RGS12: variants seen among roughly 807,000 people sequenced by gnomAD.
The protein encoded by RGS12 is regulator of G-protein signaling 12.
Under a neutral mutation model 120.1 loss-of-function variants are expected in RGS12, and 66 were observed. The observed-to-expected ratio is 0.55, with a 90% CI of 0.45 to 0.67. The LOEUF is 0.67. Ranked by LOEUF, RGS12 falls within the 30% of genes least tolerant of loss-of-function variation. The probability of loss-of-function intolerance (pLI) is 0.00; values close to 1 mark genes in which losing one functional copy is unlikely to be tolerated. For missense variants in RGS12, 1,859 were observed against 1,957.7 expected, an observed-to-expected ratio of 0.95 and a Z score of 0.95; for synonymous variants, 827 against 804.7, an observed-to-expected ratio of 1.03 and a Z score of -0.47.
intron 3 of RGS12, among the ~76,000 whole-genome samples, chr4:3,384,840 T>C (rs948932840): frequency 6.6e-6 from 1 of 152,194 alleles, no homozygotes; most frequent in East Asian, 1.9e-4. Flanking sequence ...CTGGTGTAGG[T>C]CGCAGGGCCA....
At chr4:3,358,360 C>G (rs1461049891) in intron 3 of RGS12, among the ~76,000 whole-genome samples, 1 of 152,182 alleles carries the variant, frequency 6.6e-6, no homozygotes, top group African/African-American at 2.4e-5. Context: ...CTAGAACTTA[C>G]AGTACTGTGT....
chr4:3,406,406 G>A (rs1416390707), intron 4 of RGS12, among the ~76,000 whole-genome samples: 1 of 152,236 alleles, frequency 6.6e-6, no homozygotes, highest in Non-Finnish European at 1.5e-5. Context: ...GGATGCCTTT[G>A]TAGTGGAGCT....
intron 3 of RGS12, among the ~76,000 whole-genome samples, chr4:3,348,430 C>T (rs760719394): frequency 1.6e-4 from 24 of 152,194 alleles, no homozygotes; most frequent in Admixed American, 1.4e-3. Context: ...GTGATTGCTT[C>T]TCCTCATGGG....
chr4:3,290,733 C>G (rs1204813286), upstream of RGS12, among the ~76,000 whole-genome samples: 1 of 152,246 alleles, frequency 6.6e-6, no homozygotes, highest in Non-Finnish European at 1.5e-5. Flanking sequence ...CCAACAGAGG[C>G]CGCCCTGCCA....
At chr4:3,299,729 A>G (rs1723574367) in intron 1 of RGS12, among the ~76,000 whole-genome samples, 1 of 152,232 alleles carries the variant, frequency 6.6e-6, no homozygotes, top group Non-Finnish European at 1.5e-5. Context: ...GTGTTAGCCT[A>G]GAATAGATGC....
At chr4:3,362,453 G>A (rs1242127214) in intron 3 of RGS12, among the ~76,000 whole-genome samples, 1 of 146,380 alleles carries the variant, frequency 6.8e-6, no homozygotes, top group African/African-American at 2.5e-5. Flanking sequence ...TGTGTGTGAG[G>A]GTGCGAGGGT....
At position 3,433,830 on chromosome 4, in the gene RGS12, C is replaced by T. The variant is rs1053327657; in HGVS notation, c.4114+2875C>T. Among the ~76,000 whole-genome samples the T allele has an allele frequency of 6.6e-5, 10 of 152,274 alleles. No individual in the cohort carries two copies. The highest frequency in any genetic ancestry group is 2.1e-4 in the South Asian group (1 of 4,814). ...GAGACCATGCACCATGCAGGCTGGC[C>T]GGTGCCCCCATGCATGTCTGGTCCC... On this transcript the variant is annotated intron_variant, in intron 17 of 17. Coordinates refer to ENST00000336727, the MANE Select transcript of RGS12 (RefSeq NM_001394154.1). The surrounding 1 kb of genome is among the most constrained non-coding windows in gnomAD (Gnocchi z 4.4).
chr4:3,286,814 C>T, the RGS12 span, among the ~76,000 whole-genome samples: 1 of 152,216 alleles, frequency 6.6e-6, no homozygotes, highest in African/African-American at 2.4e-5. Context: ...GTGAGAGGGT[C>T]AGAGAGCCCC....
chr4:3,285,975 C>T, the RGS12 span, among the ~76,000 whole-genome samples: 1 of 152,246 alleles, frequency 6.6e-6, no homozygotes, highest in Non-Finnish European at 1.5e-5. Flanking sequence ...CACGGCTTCA[C>T]CACTTCCTGC....
At chr4:3,401,897 C>T (rs1016525926) in intron 4 of RGS12, among the ~76,000 whole-genome samples, 4 of 152,256 alleles carry the variant, frequency 2.6e-5, no homozygotes, top group Non-Finnish European at 5.9e-5. Flanking sequence ...GCCTTAGCCT[C>T]GTCTCTTGCT....
chr4:3,371,995 C>T (rs1047689402), intron 3 of RGS12, among the ~76,000 whole-genome samples: 7 of 152,094 alleles, frequency 4.6e-5, no homozygotes, highest in Non-Finnish European at 1.0e-4. Flanking sequence ...TCTGGCTGGC[C>T]AGATCAGTCG....
At chr4:3,424,728 G>A (rs190988087) in intron 13 of RGS12, among the ~76,000 whole-genome samples, 1 of 152,352 alleles carries the variant, frequency 6.6e-6, no homozygotes, top group Non-Finnish European at 1.5e-5. Flanking sequence ...TTTGGGATGT[G>A]GCTTTTCCTT....
intron 3 of RGS12, among the ~76,000 whole-genome samples, chr4:3,373,049 C>G (rs950324152): frequency 6.6e-6 from 1 of 152,148 alleles, no homozygotes; most frequent in Non-Finnish European, 1.5e-5. Flanking sequence ...GCGGTGAGAC[C>G]TGGCAGCGAG....
chr4:3,324,348 T>C (rs74838372), intron 2 of RGS12: 9,931 of 178,266 alleles, frequency 0.056, 899 homozygotes, highest in African/African-American at 0.21. Flanking sequence ...GTTGTGACAG[T>C]ATCAACCCCT....
intron 2 of RGS12, among the ~76,000 whole-genome samples, chr4:3,329,271 G>A (rs535324481): frequency 1.3e-5 from 2 of 152,306 alleles, no homozygotes; most frequent in South Asian, 2.1e-4. Context: ...TTGGGACCCA[G>A]GAGTGCAAGA....
chr4:3,428,234 G>A (rs966933698), intron 15 of RGS12, 65 bp downstream of exon 15: 20 of 1,402,214 alleles, frequency 1.4e-5, no homozygotes, highest in East Asian at 2.3e-5. Flanking sequence ...CCTGCCCTGC[G>A]CAGTGCCCTG....
At chr4:3,405,511 A>G (rs1721014487) in intron 4 of RGS12, among the ~76,000 whole-genome samples, 1 of 152,220 alleles carries the variant, frequency 6.6e-6, no homozygotes, top group Non-Finnish European at 1.5e-5. Flanking sequence ...GACTGCAGAC[A>G]CACAGCAGCA....
chr4:3,394,241 CA>C (rs1207456954), intron 4 of RGS12, among the ~76,000 whole-genome samples: 4 of 152,084 alleles, frequency 2.6e-5, no homozygotes, highest in African/African-American at 4.8e-5. Flanking sequence ...TGACTCACTA[CA>C]ACCTCTGCCT....
At chr4:3,420,847 G>T in intron 10 of RGS12, 129 bp downstream of exon 10, 1 of 860,926 alleles carries the variant, frequency 1.2e-6, no homozygotes, top group Non-Finnish European at 1.8e-6. Context: ...TGGGGGACAA[G>T]GCTCGGGTGC....
Sources: gnomAD v4.1 joint callset for allele counts (sites outside exome capture counted in the v4.1 genomes callset) on GRCh38, gnomAD v4.1.1 for gene constraint, Gnocchi (gnomAD v3.1) non-coding constraint, MANE v1.5 for transcripts, NCBI Gene and HGNC (gene_info 2026-07-23, HGNC 2026-07-21) for gene names.